Variants in ADK observed in about 807,000 individuals in gnomAD.
ADK encodes N6,N6-dimethyladenosine kinase.
A neutral mutation model predicts 44.7 loss-of-function variants in ADK; 24 were observed. The observed-to-expected ratio is 0.54, with a 90% confidence interval of 0.39 to 0.76. The LOEUF (loss-of-function observed/expected upper bound fraction) is 0.76. ADK is among the 30% of genes least tolerant of loss of function. The probability of loss-of-function intolerance (pLI) is 0.00; values close to 1 mark genes in which losing one functional copy is unlikely to be tolerated. For synonymous variants in ADK, 128 were observed against 142.6 expected (o/e 0.90, Z 0.73); for missense variants, 321 against 425.1 (o/e 0.76, Z 2.15).
chr10:74,266,360 C>T (rs1442633665), intron 3 of ADK, among the ~76,000 whole-genome samples: 1 of 152,104 alleles, frequency 6.6e-6, no homozygotes, highest in Non-Finnish European at 1.5e-5. Context: ...AATTCAAGAC[C>T]AGCCCGGCCA....
At chr10:74,320,759 T>C (rs16931359) in intron 4 of ADK, among the ~76,000 whole-genome samples, 1 of 152,202 alleles carries the variant, frequency 6.6e-6, no homozygotes, top group Non-Finnish European at 1.5e-5. Flanking sequence ...GAGATTTTTC[T>C]CTCATCCTGA....
Position 74,420,150 on chromosome 10 carries a change from G to A in ADK, c.555+21571G>A, listed in dbSNP as rs546470303. Among the ~76,000 whole-genome samples, 6 of 152,164 alleles carry A rather than the reference G, an allele frequency of 3.9e-5. No individual in the cohort carries two copies. In the South Asian group the frequency reaches 8.3e-4, roughly 21 times the overall value. ...TTAACTACTTCCTCCAGATAATACC[G>A]CCTTTTGGGACATGATTCTCACAAC... On this transcript the variant is annotated intron_variant, in intron 6 of 10. Coordinates refer to ENST00000539909, the MANE Select transcript of ADK (RefSeq NM_006721.4).
chr10:74,382,202 G>A (rs911703961), intron 4 of ADK, among the ~76,000 whole-genome samples: 7 of 152,096 alleles, frequency 4.6e-5, no homozygotes, highest in Non-Finnish European at 1.0e-4. Context: ...AGGCTCAGGC[G>A]ATCCTCTCAC....
rs763660491 is a variant in ADK at position 74,328,849 on chromosome 10, G to T, written c.273+14104G>T. Among the ~76,000 whole-genome samples the T allele has an allele frequency of 3.3e-5, 5 of 151,708 alleles. No individual in the cohort carries two copies. In the South Asian group the frequency reaches 8.3e-4, roughly 25 times the overall value. The stretch of plus-strand genomic sequence containing the variant: ...ATTTCTTTATAGCAGCGTGAAAATG[G>T]ACTAATACACTGTTCTCAGATTTTT... On this transcript the variant is annotated intron_variant, in intron 4 of 10. Coordinates refer to ENST00000539909, the MANE Select transcript of ADK (RefSeq NM_006721.4).
intron 9 of ADK, among the ~76,000 whole-genome samples, chr10:74,614,455 C>T (rs1219694277): frequency 6.6e-6 from 1 of 152,070 alleles, no homozygotes; most frequent in Non-Finnish European, 1.5e-5. Flanking sequence ...AAAATTGATA[C>T]AACTTTTCAT....
At chr10:74,568,898 G>T (rs1850806660) in intron 7 of ADK, among the ~76,000 whole-genome samples, 1 of 151,704 alleles carries the variant, frequency 6.6e-6, no homozygotes, top group Non-Finnish European at 1.5e-5. Context: ...TTAACATTAG[G>T]TATATCTCCA....
chr10:74,525,757 C>A (rs1052439299), intron 7 of ADK, among the ~76,000 whole-genome samples: 7 of 152,090 alleles, frequency 4.6e-5, no homozygotes, highest in African/African-American at 1.7e-4. Context: ...CGGGTTCAAG[C>A]AGTTCTCCTG....
At chr10:74,379,695 G>C (rs1468432830) in intron 4 of ADK, among the ~76,000 whole-genome samples, 2 of 152,086 alleles carry the variant, frequency 1.3e-5, no homozygotes, top group Non-Finnish European at 1.5e-5. Flanking sequence ...TACCCAATCA[G>C]CTCATTTGCA....
intron 6 of ADK, among the ~76,000 whole-genome samples, chr10:74,465,846 A>G (rs1323219522): frequency 6.6e-6 from 1 of 152,184 alleles, no homozygotes; most frequent in African/African-American, 2.4e-5. Flanking sequence ...TACGTTCTCC[A>G]TAGTGTATAA....
chr10:74,249,978 A>G (rs889946976), intron 3 of ADK, among the ~76,000 whole-genome samples: 6 of 152,172 alleles, frequency 3.9e-5, no homozygotes, highest in African/African-American at 1.4e-4. Context: ...TAAATTTCCT[A>G]TTCAATAAGT....
intron 7 of ADK, among the ~76,000 whole-genome samples, chr10:74,556,639 A>G (rs182369444): frequency 6.6e-6 from 1 of 152,130 alleles, no homozygotes; most frequent in African/African-American, 2.4e-5. Flanking sequence ...TTCTTAACCA[A>G]TCTTAGCTTT....
At chr10:74,404,816 C>G (rs1204976680) in intron 6 of ADK, among the ~76,000 whole-genome samples, 1 of 152,112 alleles carries the variant, frequency 6.6e-6, no homozygotes, top group Admixed American at 6.5e-5. Context: ...TAGTGAGACC[C>G]CATCCTTACA....
At chr10:74,640,636 G>A (rs976495534) in intron 9 of ADK, among the ~76,000 whole-genome samples, 2 of 152,204 alleles carry the variant, frequency 1.3e-5, no homozygotes, top group African/African-American at 4.8e-5. Context: ...GGGTCAAATA[G>A]TAATTATTTT....
intron 1 of ADK, among the ~76,000 whole-genome samples, chr10:74,153,750 T>C (rs996775993): frequency 6.6e-6 from 1 of 152,224 alleles, no homozygotes; most frequent in Non-Finnish European, 1.5e-5. Flanking sequence ...AGGTGTTCCA[T>C]GATGATCACT....
intron 6 of ADK, among the ~76,000 whole-genome samples, chr10:74,494,615 A>T (rs1255027035): frequency 6.6e-6 from 1 of 152,174 alleles, no homozygotes; most frequent in Non-Finnish European, 1.5e-5. Context: ...AAAGGTAATT[A>T]TAAATCATGT....
chr10:74,175,329 C>T (rs566848986), intron 1 of ADK, among the ~76,000 whole-genome samples: 2 of 149,958 alleles, frequency 1.3e-5, no homozygotes, highest in African/African-American at 2.5e-5. Flanking sequence ...GGTTGGAGAT[C>T]GCACCACTGC....
intron 7 of ADK, among the ~76,000 whole-genome samples, chr10:74,570,954 T>G (rs1850931847): frequency 6.6e-6 from 1 of 152,238 alleles, no homozygotes; most frequent in Non-Finnish European, 1.5e-5. Flanking sequence ...TATTTTGAGA[T>G]ACGTCCCATC....
At chr10:74,295,838 A>T (rs770213825) in intron 3 of ADK, among the ~76,000 whole-genome samples, 4 of 151,626 alleles carry the variant, frequency 2.6e-5, no homozygotes, top group Non-Finnish European at 4.4e-5. Context: ...TTTTCTAAGT[A>T]TTTGTACATT....
At chr10:74,476,314 A>C (rs1183593689) in intron 6 of ADK, among the ~76,000 whole-genome samples, 1 of 152,040 alleles carries the variant, frequency 6.6e-6, no homozygotes, top group Non-Finnish European at 1.5e-5. Flanking sequence ...ACCAACATGG[A>C]GAAACTGCGT....
Sources: gnomAD v4.1 joint callset for allele counts (sites outside exome capture counted in the v4.1 genomes callset) on GRCh38, gnomAD v4.1.1 for gene constraint, MANE v1.5 for transcripts, NCBI Gene and HGNC (gene_info 2026-07-23, HGNC 2026-07-21) for gene names.